Variants in ACO2 observed in about 807,000 individuals in gnomAD.
ACO2 encodes aconitate hydratase, mitochondrial.
In ACO2, 31 loss-of-function variants were observed where a neutral mutation model predicts 84.5. The ratio of observed to expected loss-of-function variants is 0.37; its 90% CI spans 0.28 to 0.50. ACO2 has a LOEUF of 0.50. Ranked by LOEUF, ACO2 falls within the 20% of genes least tolerant of loss-of-function variation. The pLI is 0.97. For missense variants in ACO2, 685 were observed against 1,029.3 expected, an observed-to-expected ratio of 0.67 and a Z score of 4.58; for synonymous variants, 414 against 412.7, an observed-to-expected ratio of 1.00 and a Z score of -0.04.
At chr22:41,524,006 G>A in intron 12 of ACO2, 65 bp downstream of exon 12, 1 of 1,394,058 alleles carries the variant, frequency 7.2e-7, no homozygotes. Flanking sequence ...GGTCAGAGGA[G>A]GAGGCAGAAG....
In ACO2 at chr22:41,526,401, A is replaced by G. The variant is rs760924769; in HGVS notation, c.1901A>G (p.Asn634Ser). Residue 634 changes from asparagine (N) to serine (S), a missense_variant, in exon 15 of 18, where the codon AAT becomes AGT. Around this residue, in one of 5 missense-constraint regions of ACO2, gnomAD observed 174 missense variants for 236.6 expected, o/e 0.74. Transcript: ENST00000216254. ...IENGKANSVR[N>S]AVTQEFGPVP... ...AACGGCAAGGCCAACTCCGTGCGCAATGCCGTCACTCAGGAGTTTGGCCCC... is the reference window on the plus strand; with the variant it reads ...AACGGCAAGGCCAACTCCGTGCGCAGTGCCGTCACTCAGGAGTTTGGCCCC... The G allele has an allele frequency of 5.0e-6, 8 of 1,613,752 alleles. No homozygotes were observed. The highest frequency in any genetic ancestry group is 1.3e-5 in the African/African-American group (1 of 74,940).
chr22:41,528,754 A>T lies in ACO2; in HGVS notation c.*141A>T. 8.0e-7 allele frequency: 1 copy of T among 1,254,778 alleles called. No homozygotes were observed. The highest frequency in any genetic ancestry group is 1.1e-6 in the Non-Finnish European group (1 of 932,786). The allele number at this position is 1,254,778 out of a possible 1,614,324, so 77.7% of individuals were successfully genotyped here. A position where few individuals can be genotyped will look rare whatever the true frequency, so the allele number is the denominator to read the frequency against. On this transcript the variant is annotated 3_prime_UTR_variant, in exon 18 of 18. Transcript: ENST00000216254. ...TTCCTGCTCCCCGCTTAGCCCACGG[A>T]GTGACTGTGGTTGTGGTGGGGGGGT...
intron 3 of ACO2, among the ~76,000 whole-genome samples, chr22:41,511,394 A>G (rs111245951): frequency 0.01 from 1,565 of 151,764 alleles, 23 homozygotes; most frequent in African/African-American, 0.037. Context: ...CTGGTCTTGA[A>G]CTCCTGACCT....
chr22:41,491,569 C>G (rs1043943392), intron 1 of ACO2, among the ~76,000 whole-genome samples: 2 of 152,112 alleles, frequency 1.3e-5, no homozygotes, highest in African/African-American at 2.4e-5. Context: ...GCCACAAGGG[C>G]CTTTAAAACT....
chr22:41,526,141 G>A, intron 14 of ACO2, 121 bp from the exon 15 acceptor site: 1 of 812,918 alleles, frequency 1.2e-6, no homozygotes, highest in South Asian at 1.7e-5. Flanking sequence ...AGACTTGCCT[G>A]CCTCTCACCC....
At chr22:41,519,398 C>T (rs2066502829) in intron 8 of ACO2, among the ~76,000 whole-genome samples, 1 of 152,202 alleles carries the variant, frequency 6.6e-6, no homozygotes, top group Admixed American at 6.5e-5. Context: ...TGAATGAATT[C>T]ATGTAACTAA....
rs184262567 is a variant in ACO2 at position 41,489,915 on chromosome 22, G to C, written c.37-9811G>C. On this transcript the variant is annotated intron_variant, in intron 1 of 17. Transcript: ENST00000216254. ...AAACGCTTTTGATTATTGTCAAATT[G>C]CCGCTAAACAATTCTGCTATTCTAT... Among the ~76,000 whole-genome samples, 297 of 152,084 alleles carry C rather than the reference G, an allele frequency of 2.0e-3. 3 individuals are homozygous for C. Among genetic ancestry groups the C allele is most frequent in the African/African-American group, 6.8e-3 (282 of 41,472 alleles).
In ACO2 at chr22:41,525,176, C is replaced by T. The variant is rs1257052088; in HGVS notation, c.1606-17C>T. The T allele has an allele frequency of 1.9e-6, 3 of 1,612,822 alleles. No homozygotes were observed. The highest frequency in any genetic ancestry group is 3.3e-5 in the Admixed American group (2 of 59,990). ...CTGAGGACTCAGCACCCCACGCATC[C>T]CCATTCCCTGCTGCAGGAGTTTGAC... is the stretch of plus-strand genomic sequence containing the variant. On this transcript the variant is annotated splice_polypyrimidine_tract_variant and intron_variant, in intron 13 of 17. Coordinates refer to ENST00000216254, the MANE Select transcript of ACO2 (RefSeq NM_001098.3).
chr22:41,504,686 G>A (rs1239619979), intron 2 of ACO2, among the ~76,000 whole-genome samples: 1 of 141,376 alleles, frequency 7.1e-6, no homozygotes, highest in African/African-American at 2.7e-5. Context: ...GTCTGCTGTT[G>A]CCAGCAGATC....
At chr22:41,500,392 T>C (rs183572179) in intron 2 of ACO2, among the ~76,000 whole-genome samples, 1 of 148,214 alleles carries the variant, frequency 6.7e-6, no homozygotes, top group Non-Finnish European at 1.5e-5. Context: ...TATATAAATA[T>C]ATATATATTT....
At position 41,528,568 on chromosome 22, in the gene ACO2, C is replaced by T. The variant is rs200490897; in HGVS notation, c.2298C>T (p.Phe766=). 7 of 1,613,064 alleles carry T rather than the reference C, an allele frequency of 4.3e-6. No individual in the cohort carries two copies. Among genetic ancestry groups the T allele is most frequent in the African/African-American group, 1.3e-5 (1 of 75,018 alleles). ...TCAACGAGACGCAGATTGAGTGGTT[C>T]CGCGCTGGCAGTGCCCTCAACAGAA... ...HTFNETQIEW[F]RAGSALNRMK... is the part of the protein sequence containing the mutation. Residue 766 remains phenylalanine, a synonymous_variant, in exon 18 of 18, where the codon TTC becomes TTT. Transcript: ENST00000216254.
chr22:41,474,056 G>C (rs970271789), intron 1 of ACO2, among the ~76,000 whole-genome samples: 1 of 152,132 alleles, frequency 6.6e-6, no homozygotes, highest in Non-Finnish European at 1.5e-5. Flanking sequence ...AAAGGAGGAG[G>C]CAGGGAGACC....
chr22:41,520,343 C>A, intron 9 of ACO2, 67 bp downstream of exon 9: 1 of 1,296,258 alleles, frequency 7.7e-7, no homozygotes, highest in Non-Finnish European at 1.1e-6. Flanking sequence ...GGGCTGTAGA[C>A]AATCACCTAT....
rs2066571929 is a variant in ACO2, at chr22:41,525,331, C to G, written c.1744C>G (p.Leu582Val). 1.9e-6 allele frequency: 3 copies of G among 1,613,882 alleles called. No homozygotes were observed. The highest frequency in any genetic ancestry group is 1.7e-5 in the Admixed American group (1 of 60,002). Reference protein sequence around the residue: ...DKWDGKDLEDLQILIKVKGKC... With the variant: ...DKWDGKDLEDVQILIKVKGKC... ...GTGGGATGGCAAGGACCTGGAGGAC[C>G]TGCAGATCCTCATCAAGGTCAGCAG... The change falls in exon 14 of 18, where the codon CTG (leucine) becomes GTG (valine). Residue 582 changes from leucine (L) to valine (V), a missense_variant. This residue lies in a region of ACO2 where 10 missense variants were observed against 39.7 expected (regional missense o/e 0.25). Coordinates refer to ENST00000216254, the MANE Select transcript of ACO2 (RefSeq NM_001098.3).
chr22:41,527,148 GAGGAAGGGCC>G, intron 15 of ACO2, 130 bp from the exon 16 acceptor site: 1 of 1,301,258 alleles, frequency 7.7e-7, no homozygotes, highest in Non-Finnish European at 1.1e-6. Flanking sequence ...GGCAGCAGGC[GAGGAAGGGCC>G]CCTCCAGCCC....
At position 41,515,017 on chromosome 22, in the gene ACO2, C is replaced by T. The variant is rs113475834; in HGVS notation, c.526-360C>T. ...GGATGCTCCACACCCAGGATGAGGC[C>T]GGGCCTGGGCCCATCACAGGACAGT... On this transcript the variant is annotated intron_variant, in intron 4 of 17. Coordinates refer to ENST00000216254, the MANE Select transcript of ACO2 (RefSeq NM_001098.3). This position sits in a 1 kb window ranked among gnomAD's most constrained non-coding sequence, Gnocchi z 5.8. Among the ~76,000 whole-genome samples the T allele has an allele frequency of 1.8e-4, 27 of 152,272 alleles. 3 individuals carry two copies. Among genetic ancestry groups the T allele is most frequent in the African/African-American group, 3.1e-4 (13 of 41,558 alleles).
At position 41,520,609 on chromosome 22, in the gene ACO2, G is replaced by A. The variant is rs141210717; in HGVS notation, c.1138+333G>A. ...TGTAATCCCAGCACTTTGGGAGGCCGAGATGGGTGGATCATGAGGTCAGGA... is the reference window on the plus strand; with the variant it reads ...TGTAATCCCAGCACTTTGGGAGGCCAAGATGGGTGGATCATGAGGTCAGGA... On this transcript the variant is annotated intron_variant, in intron 9 of 17. Coordinates refer to ENST00000216254, the MANE Select transcript of ACO2 (RefSeq NM_001098.3). Among the ~76,000 whole-genome samples, 494 of 152,004 alleles carry A rather than the reference G, an allele frequency of 3.2e-3. 3 individuals carry two copies. Among genetic ancestry groups the A allele is most frequent in the Middle Eastern group, 0.027 (8 of 294 alleles).
chr22:41,495,212 T>C, intron 1 of ACO2, among the ~76,000 whole-genome samples: 2 of 152,054 alleles, frequency 1.3e-5, no homozygotes, highest in East Asian at 3.9e-4. Flanking sequence ...TTATTTTATT[T>C]TGTAGAAACA....
intron 1 of ACO2, among the ~76,000 whole-genome samples, chr22:41,486,246 A>C (rs770272110): frequency 5.3e-5 from 8 of 151,962 alleles, no homozygotes; most frequent in Non-Finnish European, 1.0e-4. Flanking sequence ...CACATAATAG[A>C]GTGCAAATGT....
Sources: gnomAD v4.1 joint callset for allele counts (sites outside exome capture counted in the v4.1 genomes callset) on GRCh38, gnomAD v4.1.1 for gene constraint, gnomAD v4.1.1 regional missense constraint, Gnocchi (gnomAD v3.1) non-coding constraint, MANE v1.5 for transcripts, NCBI Gene and HGNC (gene_info 2026-07-23, HGNC 2026-07-21) for gene names.